The following ZNF519 variants were observed in gnomAD, a reference collection of about 807,000 sequenced individuals.
The protein encoded by ZNF519 is zinc finger protein 519, also known as similar to Zinc finger protein 85 (Zinc finger protein HPF4) (HTF1).
A neutral mutation model predicts 7.4 loss-of-function variants in ZNF519; 7 were observed. The observed-to-expected ratio is 0.94, with a 90% CI of 0.54 to 1.77. The LOEUF is 1.77. Ranked by LOEUF, ZNF519 falls within the 40% of genes most tolerant of loss-of-function variation. ZNF519 has a pLI of 0.00. For synonymous variants in ZNF519, 179 were observed against 203.3 expected (o/e 0.88, Z 1.02); for missense variants, 586 against 623.1 (o/e 0.94, Z 0.63).
intron 2 of ZNF519, among the ~76,000 whole-genome samples, chr18:14,089,752 T>C (rs1167802559): frequency 3.9e-5 from 6 of 152,202 alleles, no homozygotes; most frequent in Non-Finnish European, 8.8e-5. Context: ...TAATTTTATA[T>C]TTATACAAAA....
Position 14,100,779 on chromosome 18 carries a change from T to C in ZNF519, c.*4138A>G, listed in dbSNP as rs910733917. The C allele has an allele frequency of 1.1e-4, 16 of 152,258 alleles. No individual in the cohort carries two copies. Among genetic ancestry groups the C allele is most frequent in the African/African-American group, 3.9e-4 (16 of 41,534 alleles). The allele number at this position is 152,258 out of a possible 1,614,324, so 9.4% of individuals were successfully genotyped here. ...TAAAATTGCACAGAACACACACACA[T>C]AAGAAAAAATTAATCTGGTAAAATG... On this transcript the variant is annotated 3_prime_UTR_variant, in exon 3 of 3. Transcript: ENST00000590202.
At chr18:14,124,293 G>C in intron 2 of ZNF519, 57 bp downstream of exon 2, 1 of 1,510,008 alleles carries the variant, frequency 6.6e-7, no homozygotes, top group Non-Finnish European at 8.9e-7. Context: ...AGTCTACAAA[G>C]AAAGAAAATA....
In ZNF519 at chr18:14,101,775, T is replaced by C; in HGVS notation, c.*3142A>G. The C allele has an allele frequency of 2.5e-6, 1 of 398,586 alleles. No individual in the cohort carries two copies. Among genetic ancestry groups the C allele is most frequent in the East Asian group, 3.6e-5 (1 of 28,070 alleles). The allele number at this position is 398,586 out of a possible 1,614,324, so 24.7% of individuals were successfully genotyped here. On this transcript the variant is annotated 3_prime_UTR_variant, in exon 3 of 3. Transcript: ENST00000590202. Reference sequence around the variant, plus strand: ...TTTGATGATGTTCTGTGTGGAGCTCTGCAAAGACAAACCAGCAGTTAATCT... The same window carrying C: ...TTTGATGATGTTCTGTGTGGAGCTCCGCAAAGACAAACCAGCAGTTAATCT...
chr18:14,086,985 C>A (rs747278221), intron 2 of ZNF519, among the ~76,000 whole-genome samples: 1 of 151,876 alleles, frequency 6.6e-6, no homozygotes, highest in Non-Finnish European at 1.5e-5. Context: ...ATGCAAAAAT[C>A]CTCACAAAAT....
intron 1 of ZNF519, 110 bp downstream of exon 1, chr18:14,132,165 A>G (rs1222055671): frequency 5.4e-6 from 7 of 1,307,128 alleles, no homozygotes; most frequent in Non-Finnish European, 7.8e-6. Context: ...GAGGGGACTG[A>G]GGGCTGAGCT....
In ZNF519 at chr18:14,093,618, C is replaced by T. The variant is rs192667739; in HGVS notation, c.131-8542G>A. ...AGAACAATTCACACATCTGGCTCCACCAGAACCAGAGTATGTTCAGAGTGG... is the reference window on the plus strand; with the variant it reads ...AGAACAATTCACACATCTGGCTCCATCAGAACCAGAGTATGTTCAGAGTGG... On this transcript the variant is annotated intron_variant and NMD_transcript_variant, in intron 2 of 4. Coordinates refer to the ZNF519 transcript ENST00000587419. Among the ~76,000 whole-genome samples, 771 of 152,278 alleles carry T rather than the reference C, an allele frequency of 5.1e-3. 4 individuals carry two copies. Among genetic ancestry groups the T allele is most frequent in the Non-Finnish European group, 8.5e-3 (578 of 68,030 alleles).
chr18:14,077,969 G>A (rs1469967757), intron 4 of ZNF519, among the ~76,000 whole-genome samples: 1 of 152,154 alleles, frequency 6.6e-6, no homozygotes, highest in African/African-American at 2.4e-5. Context: ...CCATGGATGG[G>A]AAGACAATTT....
chr18:14,130,221 A>C (rs760839842), intron 1 of ZNF519, among the ~76,000 whole-genome samples: 45 of 149,986 alleles, frequency 3.0e-4, no homozygotes, highest in Non-Finnish European at 5.5e-4. Context: ...CTATTTGTTC[A>C]GATCCCTGAA....
chr18:14,116,481 G>C (rs964737176), intron 2 of ZNF519, among the ~76,000 whole-genome samples: 5 of 152,120 alleles, frequency 3.3e-5, no homozygotes, highest in Non-Finnish European at 5.9e-5. Context: ...TGATGGAACA[G>C]AATGGAGAAC....
intron 2 of ZNF519, among the ~76,000 whole-genome samples, chr18:14,118,056 C>T (rs987785059): frequency 1.3e-5 from 2 of 152,022 alleles, no homozygotes; most frequent in Non-Finnish European, 2.9e-5. Context: ...CTTATATATA[C>T]AATGAAATAT....
chr18:14,080,567 G>A (rs1226776850), intron 3 of ZNF519, among the ~76,000 whole-genome samples: 3 of 152,112 alleles, frequency 2.0e-5, no homozygotes, highest in East Asian at 1.9e-4. Flanking sequence ...TGATGCGCCC[G>A]CCTTGTTCTC....
intron 2 of ZNF519, among the ~76,000 whole-genome samples, chr18:14,106,871 A>G (rs1397996692): frequency 1.3e-5 from 2 of 152,212 alleles, no homozygotes; most frequent in East Asian, 3.9e-4. Context: ...ACTGGAATGC[A>G]CTCAGCTGAC....
At chr18:14,106,765 C>T (rs2046195209) in intron 2 of ZNF519, among the ~76,000 whole-genome samples, 1 of 152,116 alleles carries the variant, frequency 6.6e-6, no homozygotes, top group Non-Finnish European at 1.5e-5. Context: ...GCAGCTGTCA[C>T]ATACTATGTA....
chr18:14,120,022 G>A (rs1325612221), intron 2 of ZNF519, among the ~76,000 whole-genome samples: 1 of 151,960 alleles, frequency 6.6e-6, no homozygotes, highest in Non-Finnish European at 1.5e-5. Flanking sequence ...AAGTTTTAGT[G>A]GAATTTTCAA....
intron 2 of ZNF519, among the ~76,000 whole-genome samples, chr18:14,085,602 T>C (rs925003030): frequency 5.3e-5 from 8 of 152,052 alleles, no homozygotes; most frequent in African/African-American, 1.7e-4. Context: ...AAAAGAGGCA[T>C]TGAAGAAGGT....
At chr18:14,084,073 G>C (rs1035127097) in intron 3 of ZNF519, 2 of 152,206 alleles carry the variant, frequency 1.3e-5, no homozygotes, top group African/African-American at 4.8e-5. Flanking sequence ...GGGGACTGAG[G>C]CAAGGCCCTC....
chr18:14,083,649 C>A (rs1287838457), intron 3 of ZNF519, among the ~76,000 whole-genome samples: 1 of 152,116 alleles, frequency 6.6e-6, no homozygotes, highest in Non-Finnish European at 1.5e-5. Flanking sequence ...GAGGCTCACA[C>A]TTGTAACCCC....
At chr18:14,082,754 C>T (rs146789926) in intron 3 of ZNF519, 28 of 152,076 alleles carry the variant, frequency 1.8e-4, no homozygotes, top group African/African-American at 5.3e-4. Flanking sequence ...AAGCTTCAAC[C>T]ACCTCAACCT....
intron 2 of ZNF519, among the ~76,000 whole-genome samples, chr18:14,093,057 CTT>C (rs2046120749): frequency 1.3e-5 from 2 of 152,300 alleles, no homozygotes; most frequent in South Asian, 4.1e-4. Flanking sequence ...TCCTCTATCA[CTT>C]TGAGATGTAT....
Sources: allele counts gnomAD v4.1 joint callset (sites outside exome capture counted in the v4.1 genomes callset), GRCh38; gene constraint gnomAD v4.1.1; transcripts MANE v1.5; gene names NCBI Gene and HGNC (gene_info 2026-07-23, HGNC 2026-07-21).